Variants in PCDHGB6 observed in about 807,000 individuals in gnomAD.
The protein encoded by PCDHGB6 is protocadherin gamma subfamily B, 6.
In PCDHGB6, 51 loss-of-function variants were observed where a neutral mutation model predicts 59.1. That is an observed-to-expected ratio of 0.86 (90% CI 0.69 to 1.09). The LOEUF is 1.09. PCDHGB6 is among the 50% of genes least tolerant of loss of function. The pLI, the probability that PCDHGB6 is intolerant of heterozygous loss-of-function variation, is 0.00. For synonymous variants in PCDHGB6, 466 were observed against 495.1 expected (o/e 0.94, Z 0.78); for missense variants, 1,148 against 1,205.1 (o/e 0.95, Z 0.70).
intron 2 of PCDHGB6, among the ~76,000 whole-genome samples, chr5:141,504,651 G>A (rs905210723): frequency 8.4e-6 from 1 of 119,750 alleles, no homozygotes; most frequent in Non-Finnish European, 1.6e-5. Flanking sequence ...ATGATAGAGT[G>A]TTTGAGGGCG....
chr5:141,431,828 C>T lies in PCDHGB6; in HGVS notation c.2418+21208C>T. The T allele has an allele frequency of 6.2e-7, 1 of 1,610,208 alleles. No individual in the cohort carries two copies. Among genetic ancestry groups the T allele is most frequent in the Non-Finnish European group, 8.5e-7 (1 of 1,176,374 alleles). On this transcript the variant is annotated intron_variant, in intron 1 of 3. Transcript: ENST00000520790. This position sits in a 1 kb window ranked among gnomAD's most constrained non-coding sequence, Gnocchi z 4.8. Reference sequence around the variant, plus strand: ...CCTCACCTCTCTCGCCAGCTCGGTTCCCGAAAACTCTCCCAGAGGGACATT... The same window carrying T: ...CCTCACCTCTCTCGCCAGCTCGGTTTCCGAAAACTCTCCCAGAGGGACATT...
At chr5:141,447,121 T>C (rs1341601610) in intron 1 of PCDHGB6, among the ~76,000 whole-genome samples, 1 of 152,104 alleles carries the variant, frequency 6.6e-6, no homozygotes, top group Non-Finnish European at 1.5e-5. Flanking sequence ...CTCCATGGAT[T>C]TTTTTGTTTG....
Position 141,486,046 on chromosome 5 carries a change from C to G in PCDHGB6, c.2419-8761C>G. 1.2e-6 allele frequency: 2 copies of G among 1,614,170 alleles called. No individual in the cohort carries two copies. Among genetic ancestry groups the G allele is most frequent in the Non-Finnish European group, 1.7e-6 (2 of 1,180,036 alleles). The stretch of plus-strand genomic sequence containing the variant: ...GTCATACCCCTGATCGTGTAAGAAA[C>G]CTCTTTAGCCTGCACCCCACTACTG... On this transcript the variant is annotated intron_variant, in intron 1 of 3. Coordinates refer to ENST00000520790, the MANE Select transcript of PCDHGB6 (RefSeq NM_018926.3). This position sits in a 1 kb window ranked among gnomAD's most constrained non-coding sequence, Gnocchi z 5.0.
chr5:141,483,501 G>T (rs1022338958), intron 1 of PCDHGB6, among the ~76,000 whole-genome samples: 1 of 150,394 alleles, frequency 6.6e-6, no homozygotes, highest in Non-Finnish European at 1.5e-5. Flanking sequence ...ATGAGTCAAG[G>T]CTGATCCCCC....
chr5:141,465,777 C>G (rs2099109055), intron 1 of PCDHGB6, among the ~76,000 whole-genome samples: 2 of 151,768 alleles, frequency 1.3e-5, no homozygotes, highest in African/African-American at 2.4e-5. Flanking sequence ...TCTCTTGTTA[C>G]AGTTTTTTTT....
At chr5:141,419,184 T>A in intron 1 of PCDHGB6, 1 of 1,613,938 alleles carries the variant, frequency 6.2e-7, no homozygotes, top group Non-Finnish European at 8.5e-7. Context: ...ACCCTGCACA[T>A]TACTGACGTC....
intron 1 of PCDHGB6, chr5:141,424,664 A>T (rs923488035): frequency 6.6e-6 from 1 of 152,124 alleles, no homozygotes; most frequent in African/African-American, 2.4e-5. Flanking sequence ...CTTTAATTAA[A>T]CTGATTTAGC....
At chr5:141,425,111 A>C (rs2096857405) in intron 1 of PCDHGB6, among the ~76,000 whole-genome samples, 1 of 152,144 alleles carries the variant, frequency 6.6e-6, no homozygotes, top group Non-Finnish European at 1.5e-5. Flanking sequence ...AGATGCCTAC[A>C]TTTTTCTTGA....
At chr5:141,475,571 G>A (rs1426547386) in intron 1 of PCDHGB6, among the ~76,000 whole-genome samples, 1 of 152,212 alleles carries the variant, frequency 6.6e-6, no homozygotes, top group East Asian at 1.9e-4. Context: ...CTTCCAACAA[G>A]CCAGATTTGT....
chr5:141,447,078 G>A (rs531206989), intron 1 of PCDHGB6, among the ~76,000 whole-genome samples: 5 of 152,018 alleles, frequency 3.3e-5, no homozygotes, highest in Non-Finnish European at 7.4e-5. Context: ...TTTAATTTTT[G>A]TTGTTTAATT....
rs1421670958 is a variant in PCDHGB6, at chr5:141,432,558, A to C, written c.2418+21938A>C. ...GTGGCGGTGGACAGAGACTCCGGCC[A>C]GAACGCCTGGCTGTCCTACCGTCTG... On this transcript the variant is annotated intron_variant, in intron 1 of 3. Transcript: ENST00000520790. This position sits in a 1 kb window ranked among gnomAD's most constrained non-coding sequence, Gnocchi z 6.0. The C allele has an allele frequency of 1.9e-6, 3 of 1,613,756 alleles. No individual in the cohort carries two copies. The highest frequency in any genetic ancestry group is 2.2e-5 in the South Asian group (2 of 91,060).
At chr5:141,464,035 C>T (rs564886798) in intron 1 of PCDHGB6, among the ~76,000 whole-genome samples, 1 of 152,066 alleles carries the variant, frequency 6.6e-6, no homozygotes, top group African/African-American at 2.4e-5. Context: ...GAGGCCAAGG[C>T]GGGTGGATCA....
chr5:141,422,909 C>T (rs1260941191), intron 1 of PCDHGB6: 1 of 1,614,252 alleles, frequency 6.2e-7, no homozygotes, highest in East Asian at 2.2e-5. Flanking sequence ...GACAATGCGC[C>T]CGAGATCCTG....
intron 1 of PCDHGB6, chr5:141,419,335 T>C: frequency 6.2e-7 from 1 of 1,613,886 alleles, no homozygotes; most frequent in Non-Finnish European, 8.5e-7. Context: ...ACTCTCTCAT[T>C]GCCAGCGACC....
At position 141,487,557 on chromosome 5, in the gene PCDHGB6, T is replaced by C. The variant is rs751511771; in HGVS notation, c.2419-7250T>C. On this transcript the variant is annotated intron_variant, in intron 1 of 3. Coordinates refer to ENST00000520790, the MANE Select transcript of PCDHGB6 (RefSeq NM_018926.3). The surrounding 1 kb of genome is among the most constrained non-coding windows in gnomAD (Gnocchi z 5.0). The stretch of plus-strand genomic sequence containing the variant: ...ATGGTGAAGTCACCCAGTGCACCTA[T>C]GGCAGGGGAGCCTGTTCGCCCAAGC... The C allele has an allele frequency of 1.9e-5, 31 of 1,614,060 alleles. No homozygotes were observed. In the East Asian group the frequency reaches 4.2e-4, roughly 22 times the overall value.
At position 141,489,088 on chromosome 5, in the gene PCDHGB6, GAC is replaced by G; in HGVS notation, c.2419-5718_2419-5717del. 5.8e-6 allele frequency: 2 copies of G among 347,236 alleles called. No homozygotes were observed. The highest frequency in any genetic ancestry group is 4.7e-5 in the East Asian group (1 of 21,502). The allele number at this position is 347,236 out of a possible 1,614,324, so 21.5% of individuals were successfully genotyped here. A position where few individuals can be genotyped will look rare whatever the true frequency, so the allele number is the denominator to read the frequency against. ...CCCCTGCCCACCCCCGCCACTCGGT[GAC>G]TAAGAACTGCTGCAAGCAGGCAAAC... On this transcript the variant is annotated intron_variant, in intron 1 of 3. Transcript: ENST00000520790. The surrounding 1 kb of genome is among the most constrained non-coding windows in gnomAD (Gnocchi z 4.5).
intron 1 of PCDHGB6, chr5:141,428,173 CGGA>C (rs770477048): frequency 1.3e-6 from 2 of 1,514,730 alleles, no homozygotes. Context: ...CTGTGCGTGA[CGGA>C]GGACAGCCGC....
intron 1 of PCDHGB6, chr5:141,478,198 ACTT>A (rs2099438516): frequency 1.2e-6 from 2 of 1,613,746 alleles, no homozygotes; most frequent in African/African-American, 1.3e-5. Context: ...CCTTTTATCT[ACTT>A]CTTTCTCTAA....
At chr5:141,414,949 G>C (rs774769957) in intron 1 of PCDHGB6, 13 of 1,613,978 alleles carry the variant, frequency 8.1e-6, no homozygotes, top group African/African-American at 1.3e-5. Context: ...CGGCTACCTG[G>C]TGACCAAGGT....
Sources: gnomAD v4.1 joint callset for allele counts (sites outside exome capture counted in the v4.1 genomes callset) on GRCh38, gnomAD v4.1.1 for gene constraint, Gnocchi (gnomAD v3.1) non-coding constraint, MANE v1.5 for transcripts, NCBI Gene and HGNC (gene_info 2026-07-23, HGNC 2026-07-21) for gene names.